VAT1L: variants seen among roughly 807,000 people sequenced by gnomAD.
VAT1L encodes vesicle amine transport 1 like, also known as putative NADPH-dependent quinone oxidoreductase VAT1L.
In VAT1L, 34 loss-of-function variants were observed where a neutral mutation model predicts 44.1. That is an observed-to-expected ratio of 0.77 (90% CI 0.59 to 1.03). The LOEUF (loss-of-function observed/expected upper bound fraction) is 1.03, where lower values mean the gene tolerates loss of function less well. VAT1L is among the 50% of genes least tolerant of loss of function. The pLI, the probability that VAT1L is intolerant of heterozygous loss-of-function variation, is 0.00. For missense variants in VAT1L, 615 were observed against 538.8 expected (o/e 1.14, Z -1.40); for synonymous variants, 253 against 202.2 (o/e 1.25, Z -2.13).
intron 1 of VAT1L, among the ~76,000 whole-genome samples, chr16:77,790,229 G>A (rs1236097332): frequency 2.0e-5 from 3 of 152,156 alleles, no homozygotes; most frequent in Non-Finnish European, 4.4e-5. Context: ...ATATGCAGCT[G>A]GTCAGGTTTG....
chr16:77,835,449 T>C (rs2145254845), intron 3 of VAT1L, among the ~76,000 whole-genome samples: 1 of 152,278 alleles, frequency 6.6e-6, no homozygotes, highest in East Asian at 1.9e-4. Context: ...CATCCCATGG[T>C]CCAGCTGTGC....
chr16:77,955,272 T>C (rs1396661490), intron 7 of VAT1L, among the ~76,000 whole-genome samples: 1 of 152,192 alleles, frequency 6.6e-6, no homozygotes, highest in African/African-American at 2.4e-5. Flanking sequence ...TGGCAATGCC[T>C]GGAAGCATTT....
chr16:77,868,064 A>G (rs1414120414), intron 4 of VAT1L, among the ~76,000 whole-genome samples: 4 of 152,136 alleles, frequency 2.6e-5, no homozygotes, highest in African/African-American at 9.7e-5. Flanking sequence ...AATACACCTA[A>G]CCTACTGAAT....
At chr16:77,953,418 T>C (rs986495299) in intron 7 of VAT1L, among the ~76,000 whole-genome samples, 2 of 152,220 alleles carry the variant, frequency 1.3e-5, no homozygotes, top group Admixed American at 1.3e-4. Context: ...GTTAAAGCAT[T>C]ATTTCTAGTC....
At chr16:77,922,355 T>C (rs2017621021) in intron 7 of VAT1L, among the ~76,000 whole-genome samples, 1 of 152,126 alleles carries the variant, frequency 6.6e-6, no homozygotes, top group East Asian at 1.9e-4. Flanking sequence ...CCAAGGCCAG[T>C]TCCATCAAGG....
At chr16:77,925,483 A>G (rs1275838918) in intron 7 of VAT1L, among the ~76,000 whole-genome samples, 1 of 152,190 alleles carries the variant, frequency 6.6e-6, no homozygotes, top group African/African-American at 2.4e-5. Context: ...AAAGAGGTCC[A>G]TATATGCAAT....
intron 4 of VAT1L, among the ~76,000 whole-genome samples, chr16:77,874,106 G>A (rs1423776433): frequency 6.6e-6 from 1 of 152,068 alleles, no homozygotes; most frequent in East Asian, 1.9e-4. Flanking sequence ...GGGCATCAGA[G>A]GACAAAAATT....
At chr16:77,817,224 A>G (rs2016371997) in intron 2 of VAT1L, among the ~76,000 whole-genome samples, 174 bp downstream of exon 2, 1 of 152,172 alleles carries the variant, frequency 6.6e-6, no homozygotes, top group Non-Finnish European at 1.5e-5. Flanking sequence ...CCTTTTTTAT[A>G]GACTATCTTG....
intron 3 of VAT1L, among the ~76,000 whole-genome samples, chr16:77,859,968 A>G (rs2016899258): frequency 6.6e-6 from 1 of 152,182 alleles, no homozygotes; most frequent in Non-Finnish European, 1.5e-5. Flanking sequence ...ATCGAGTTAA[A>G]TTGAGGTCAC....
At chr16:77,797,755 T>C (rs1302347852) in intron 1 of VAT1L, among the ~76,000 whole-genome samples, 1 of 152,210 alleles carries the variant, frequency 6.6e-6, no homozygotes, top group Admixed American at 6.5e-5. Context: ...GGACTTCCTT[T>C]TCCTAAGAGA....
Position 77,887,805 on chromosome 16 carries a change from G to A in VAT1L, c.1077+3003G>A, listed in dbSNP as rs527306977. On this transcript the variant is annotated intron_variant, in intron 7 of 8. Transcript: ENST00000302536. ...ATTCTTAGCACTGTCGTCTAAGCTG[G>A]GTGGACTCAAGCAATACCTAAACCA... 2.0e-5 allele frequency among the ~76,000 whole-genome samples: 3 copies of A among 152,222 alleles called. No individual in the cohort carries two copies. The South Asian group carries it at 6.2e-4, about 32-fold the overall frequency.
intron 7 of VAT1L, among the ~76,000 whole-genome samples, chr16:77,909,063 T>C (rs1052631002): frequency 2.9e-4 from 44 of 152,196 alleles, no homozygotes; most frequent in Admixed American, 2.9e-3. Context: ...ATTGACCATG[T>C]ACTGGACACT....
intron 7 of VAT1L, among the ~76,000 whole-genome samples, chr16:77,938,703 C>G (rs1322471940): frequency 6.6e-6 from 1 of 152,162 alleles, no homozygotes; most frequent in East Asian, 1.9e-4. Flanking sequence ...CCTCATGCTT[C>G]CTGTACAGGC....
intron 7 of VAT1L, among the ~76,000 whole-genome samples, chr16:77,966,453 G>A (rs1328001377): frequency 6.6e-6 from 1 of 152,164 alleles, no homozygotes; most frequent in Non-Finnish European, 1.5e-5. Flanking sequence ...GACCCAGGAC[G>A]TACAGAGACA....
rs772658248 is a variant in VAT1L, at chr16:77,884,708, C to A, written c.983C>A (p.Ala328Glu). The A allele has an allele frequency of 1.2e-6, 2 of 1,610,486 alleles. No homozygotes were observed. Among genetic ancestry groups the A allele is most frequent in the Non-Finnish European group, 1.7e-6 (2 of 1,178,336 alleles). Residue 328 changes from alanine to glutamate, a missense_variant, in exon 7 of 9, where the codon GCG (alanine) becomes GAG (glutamate). Ala to Glu is a moderately radical substitution (Grantham distance 107). Transcript: ENST00000302536. This position sits in a 1 kb window ranked among gnomAD's most constrained non-coding sequence, Gnocchi z 4.5. ...LLNLLFKQGR[A>E]GLIRGVVEKL... is the part of the protein sequence containing the mutation. The stretch of plus-strand genomic sequence containing the variant: ...AATCTGCTCTTCAAACAAGGCCGGG[C>A]GGGCCTCATTCGGGGAGTGGTGGAA...
intron 1 of VAT1L, among the ~76,000 whole-genome samples, chr16:77,802,128 A>G (rs893625741): frequency 6.6e-6 from 1 of 152,302 alleles, no homozygotes; most frequent in Admixed American, 6.5e-5. Flanking sequence ...GAGCCTCAGC[A>G]TCTCTGTCCT....
At chr16:77,827,376 A>C (rs1351117784) in intron 3 of VAT1L, among the ~76,000 whole-genome samples, 1 of 152,198 alleles carries the variant, frequency 6.6e-6, no homozygotes, top group Non-Finnish European at 1.5e-5. Context: ...ATTTCATTTC[A>C]TGTTTTTATT....
Position 77,884,891 on chromosome 16 carries a change from T to C in VAT1L, c.1077+89T>C, listed in dbSNP as rs2017194354. ...CCAAATACAATCTTCTACTAAATGATTTTTTTCCCAGATGGGTTTGTTTTA... is the reference window on the plus strand; with the variant it reads ...CCAAATACAATCTTCTACTAAATGACTTTTTTCCCAGATGGGTTTGTTTTA... On this transcript the variant is annotated intron_variant, in intron 7 of 8. Transcript: ENST00000302536. The surrounding 1 kb of genome is among the most constrained non-coding windows in gnomAD (Gnocchi z 4.5). 1 of 1,360,316 alleles carries C rather than the reference T, an allele frequency of 7.4e-7. No individual in the cohort carries two copies. The highest frequency in any genetic ancestry group is 1.7e-5 in the South Asian group (1 of 58,684). The allele number at this position is 1,360,316 out of a possible 1,614,324, so 84.3% of individuals were successfully genotyped here.
intron 7 of VAT1L, among the ~76,000 whole-genome samples, chr16:77,963,342 G>C (rs1160018831): frequency 1.3e-5 from 2 of 152,146 alleles, no homozygotes; most frequent in African/African-American, 4.8e-5. Context: ...GCTCTACCCT[G>C]CTGGCTTTGA....
Sources: allele counts gnomAD v4.1 joint callset (sites outside exome capture counted in the v4.1 genomes callset), GRCh38; gene constraint gnomAD v4.1.1; non-coding constraint Gnocchi (gnomAD v3.1); transcripts MANE v1.5; gene names NCBI Gene and HGNC (gene_info 2026-07-23, HGNC 2026-07-21).